Variants in TLN2 observed in about 807,000 individuals in gnomAD.
TLN2 encodes talin 2.
Under a neutral mutation model 294.7 loss-of-function variants are expected in TLN2, and 118 were observed. The observed-to-expected ratio is 0.40, with a 90% confidence interval of 0.34 to 0.47. TLN2 has a LOEUF of 0.47. Ranked by LOEUF, TLN2 falls within the 20% of genes least tolerant of loss-of-function variation. The pLI, the probability that TLN2 is intolerant of heterozygous loss-of-function variation, is 0.84. For missense variants in TLN2, 3,083 were observed against 3,282.2 expected, an observed-to-expected ratio of 0.94 and a Z score of 1.48; for synonymous variants, 1,431 against 1,304.5, an observed-to-expected ratio of 1.10 and a Z score of -2.09.
chr15:62,395,150 C>T (rs2032431014), intron 1 of TLN2, among the ~76,000 whole-genome samples: 1 of 149,256 alleles, frequency 6.7e-6, no homozygotes, highest in South Asian at 2.2e-4. Context: ...CATCCCCTGC[C>T]CTCACAATGC....
chr15:62,763,804 G>A, intron 40 of TLN2, 109 bp downstream of exon 40: 1 of 1,403,886 alleles, frequency 7.1e-7, no homozygotes, highest in Non-Finnish European at 9.4e-7. Flanking sequence ...TTCTGTTGCT[G>A]GAGTTTCACC....
chr15:62,795,346 C>T (rs907923447), intron 46 of TLN2, among the ~76,000 whole-genome samples: 6 of 152,018 alleles, frequency 3.9e-5, no homozygotes, highest in African/African-American at 9.7e-5. Flanking sequence ...TGACCAGAAA[C>T]GGAGCTCAGC....
At chr15:62,446,527 A>C (rs556020187) in intron 1 of TLN2, among the ~76,000 whole-genome samples, 2 of 152,298 alleles carry the variant, frequency 1.3e-5, no homozygotes, top group South Asian at 2.1e-4. Flanking sequence ...AACATTAGCT[A>C]GTGAGTCAGA....
intron 1 of TLN2, among the ~76,000 whole-genome samples, chr15:62,511,528 G>C (rs2039935256): frequency 6.6e-6 from 1 of 152,134 alleles, no homozygotes; most frequent in Admixed American, 6.5e-5. Flanking sequence ...GACTTGCCTG[G>C]AAGAGGTGCC....
chr15:62,821,176 T>A (rs1185914072), intron 54 of TLN2, among the ~76,000 whole-genome samples: 1 of 152,236 alleles, frequency 6.6e-6, no homozygotes, highest in Non-Finnish European at 1.5e-5. Flanking sequence ...AGAGATACTT[T>A]TAGATTAGGC....
chr15:62,540,248 G>T (rs2041600478), intron 1 of TLN2, among the ~76,000 whole-genome samples: 1 of 152,140 alleles, frequency 6.6e-6, no homozygotes, highest in Non-Finnish European at 1.5e-5. Flanking sequence ...GCTGAGGCAG[G>T]AGAATCGCTT....
At chr15:62,560,813 G>C (rs2042898959) in intron 1 of TLN2, among the ~76,000 whole-genome samples, 1 of 152,252 alleles carries the variant, frequency 6.6e-6, no homozygotes, top group South Asian at 2.1e-4. Context: ...CAGCTCTGCA[G>C]GTGATGAGAC....
At chr15:62,645,516 C>A (rs927578164) in intron 3 of TLN2, among the ~76,000 whole-genome samples, 2 of 152,238 alleles carry the variant, frequency 1.3e-5, no homozygotes, top group African/African-American at 4.8e-5. Context: ...ACCATGCCCG[C>A]ATTCACCAAA....
intron 28 of TLN2, among the ~76,000 whole-genome samples, chr15:62,728,781 T>C (rs1005942388): frequency 4.6e-5 from 7 of 152,206 alleles, no homozygotes; most frequent in African/African-American, 1.7e-4. Context: ...GTTACTTACA[T>C]GTATTTCTTG....
intron 28 of TLN2, among the ~76,000 whole-genome samples, chr15:62,732,787 GT>G (rs1355706798): frequency 6.6e-6 from 1 of 152,140 alleles, no homozygotes; most frequent in Non-Finnish European, 1.5e-5. Flanking sequence ...AACATGAACG[GT>G]TCCAAGTGTT....
intron 1 of TLN2, among the ~76,000 whole-genome samples, chr15:62,518,035 CT>C (rs1391263321): frequency 1.4e-5 from 2 of 138,258 alleles, no homozygotes; most frequent in Non-Finnish European, 3.0e-5. Context: ...TAAATATTAG[CT>C]AGCAGCAGTT....
intron 42 of TLN2, among the ~76,000 whole-genome samples, chr15:62,771,541 A>G (rs1444198970): frequency 6.6e-6 from 1 of 152,196 alleles, no homozygotes; most frequent in Non-Finnish European, 1.5e-5. Flanking sequence ...AAAATCTCCC[A>G]TACCAGTTTG....
intron 13 of TLN2, among the ~76,000 whole-genome samples, chr15:62,693,589 T>C (rs564224997): frequency 8.1e-6 from 1 of 123,602 alleles, no homozygotes; most frequent in East Asian, 2.4e-4. Flanking sequence ...CCAAAAATGA[T>C]CTTTGTAGTT....
intron 1 of TLN2, among the ~76,000 whole-genome samples, chr15:62,470,865 T>C (rs2037429645): frequency 6.6e-6 from 1 of 152,240 alleles, no homozygotes. Context: ...ATCGAGGCAA[T>C]TCATATTTCA....
intron 54 of TLN2, chr15:62,828,116 G>A (rs2068400096): frequency 6.6e-6 from 1 of 152,294 alleles, no homozygotes; most frequent in Admixed American, 6.5e-5. Context: ...ACAGGGGAAG[G>A]GAGCCAACCC....
chr15:62,433,407 G>T (rs2035120057), intron 1 of TLN2, among the ~76,000 whole-genome samples: 1 of 152,104 alleles, frequency 6.6e-6, no homozygotes, highest in South Asian at 2.1e-4. Context: ...GGCCTGCTGA[G>T]AACCAGAGGA....
At chr15:62,488,307 G>A (rs141042729) in intron 1 of TLN2, among the ~76,000 whole-genome samples, 1,954 of 152,284 alleles carry the variant, frequency 0.013, 13 homozygotes, top group Middle Eastern at 0.034. Flanking sequence ...CTGATCTGCC[G>A]AAGGAGTACA....
chr15:62,813,272 T>C (rs1444631709), intron 52 of TLN2, among the ~76,000 whole-genome samples: 3 of 152,238 alleles, frequency 2.0e-5, no homozygotes, highest in Non-Finnish European at 1.5e-5. Flanking sequence ...TTGATATATC[T>C]GTTAAAAGCC....
At chr15:62,615,320 C>T (rs542145513) in intron 2 of TLN2, among the ~76,000 whole-genome samples, 3 of 152,302 alleles carry the variant, frequency 2.0e-5, no homozygotes, top group African/African-American at 7.2e-5. Flanking sequence ...TGCACTCATA[C>T]TTCTTTGGCC....
Sources: gnomAD v4.1 joint callset for allele counts (sites outside exome capture counted in the v4.1 genomes callset) on GRCh38, gnomAD v4.1.1 for gene constraint, MANE v1.5 for transcripts, NCBI Gene and HGNC (gene_info 2026-07-23, HGNC 2026-07-21) for gene names.